Variants in MAF observed in about 807,000 individuals in gnomAD.
The protein encoded by MAF is MAF bZIP transcription factor, also known as transcription factor Maf.
In MAF, 10 loss-of-function variants were observed where a neutral mutation model predicts 22.0. The observed-to-expected ratio is 0.45, with a 90% confidence interval of 0.28 to 0.77. MAF has a LOEUF of 0.77. Among genes scored for constraint, MAF ranks in the 30% least tolerant of loss-of-function variants. The pLI, the probability that MAF is intolerant of heterozygous loss-of-function variation, is 0.12. For missense variants in MAF, 544 were observed against 548.4 expected (o/e 0.99, Z 0.08); for synonymous variants, 337 against 255.8 (o/e 1.32, Z -3.03).
chr16:79,313,291 G>A, the MAF span, among the ~76,000 whole-genome samples: 1 of 152,104 alleles, frequency 6.6e-6, no homozygotes, highest in East Asian at 1.9e-4. Context: ...ACAGCAGAAG[G>A]GGGAAGAAAA....
At chr16:79,526,924 A>G in the MAF span, among the ~76,000 whole-genome samples, 1 of 152,210 alleles carries the variant, frequency 6.6e-6, no homozygotes. Context: ...GGGGAATTTT[A>G]TTTTCAAATA....
At chr16:79,214,928 T>C in the MAF span, among the ~76,000 whole-genome samples, 4 of 151,620 alleles carry the variant, frequency 2.6e-5, no homozygotes, top group African/African-American at 9.7e-5. Context: ...CAGGCTGGTC[T>C]CGAACTCCTG....
the MAF span, among the ~76,000 whole-genome samples, chr16:79,576,570 G>A: frequency 2.6e-5 from 4 of 151,672 alleles, no homozygotes; most frequent in Non-Finnish European, 5.9e-5. Flanking sequence ...TTCAGAGGAG[G>A]GCAGCTATAA....
At chr16:79,263,291 A>C in the MAF span, among the ~76,000 whole-genome samples, 1 of 152,220 alleles carries the variant, frequency 6.6e-6, no homozygotes, top group Non-Finnish European at 1.5e-5. Flanking sequence ...AAACTGGGGA[A>C]ATTTTCTAAG....
At chr16:79,380,323 G>A in the MAF span, among the ~76,000 whole-genome samples, 2 of 152,192 alleles carry the variant, frequency 1.3e-5, no homozygotes, top group Non-Finnish European at 1.5e-5. Context: ...CTCAAGGGCA[G>A]TTGTGAATAT....
downstream of MAF, chr16:79,585,782 C>T (rs758466177): frequency 1.7e-4 from 96 of 581,704 alleles, no homozygotes; most frequent in Non-Finnish European, 2.6e-4. Context: ...AGCAGCATTC[C>T]TTGTTTGCTT....
At chr16:79,544,185 A>G in the MAF span, among the ~76,000 whole-genome samples, 1 of 152,236 alleles carries the variant, frequency 6.6e-6, no homozygotes, top group South Asian at 2.1e-4. Context: ...TAAGAGGAGC[A>G]ACTATTAAAT....
At chr16:79,326,994 G>T in the MAF span, among the ~76,000 whole-genome samples, 1 of 152,184 alleles carries the variant, frequency 6.6e-6, no homozygotes, top group Non-Finnish European at 1.5e-5. Flanking sequence ...AATTCATAAC[G>T]TCCTAGCAGC....
chr16:79,315,240 A>G, the MAF span, among the ~76,000 whole-genome samples: 1 of 152,184 alleles, frequency 6.6e-6, no homozygotes, highest in Non-Finnish European at 1.5e-5. Context: ...CAATAACACA[A>G]CAATAACCAT....
At chr16:79,471,143 C>T in the MAF span, among the ~76,000 whole-genome samples, 11 of 152,264 alleles carry the variant, frequency 7.2e-5, no homozygotes, top group South Asian at 4.1e-4. Flanking sequence ...ACCACTCCCA[C>T]GCCTGTGGAG....
the MAF span, among the ~76,000 whole-genome samples, chr16:79,464,773 G>T: frequency 2.0e-5 from 3 of 152,164 alleles, no homozygotes; most frequent in Admixed American, 6.5e-5. Context: ...AATTAGACAC[G>T]TCCCTGACCC....
chr16:79,589,661 C>T (rs1304706595), downstream of MAF, among the ~76,000 whole-genome samples: 1 of 152,190 alleles, frequency 6.6e-6, no homozygotes. Context: ...AGTCTTGCTC[C>T]CTCCCTCCAG....
chr16:79,542,561 G>C, the MAF span, among the ~76,000 whole-genome samples: 1 of 152,168 alleles, frequency 6.6e-6, no homozygotes. Flanking sequence ...AAGAAAGAGG[G>C]AACTGCTCTT....
chr16:79,279,497 G>T, the MAF span, among the ~76,000 whole-genome samples: 3 of 152,170 alleles, frequency 2.0e-5, no homozygotes, highest in African/African-American at 7.2e-5. Context: ...TGGGGAAGAG[G>T]CTGAAGCGGG....
chr16:79,570,315 C>T, the MAF span, among the ~76,000 whole-genome samples: 87 of 152,238 alleles, frequency 5.7e-4, no homozygotes, highest in African/African-American at 2.0e-3. Flanking sequence ...CATCCCTCCT[C>T]AGCTCTTTGC....
the MAF span, among the ~76,000 whole-genome samples, chr16:79,407,098 T>A: frequency 6.6e-6 from 1 of 152,058 alleles, no homozygotes; most frequent in Non-Finnish European, 1.5e-5. Context: ...CCAGGGAGGG[T>A]GTCGTCTGGC....
chr16:79,337,428 G>C, the MAF span, among the ~76,000 whole-genome samples: 1 of 152,096 alleles, frequency 6.6e-6, no homozygotes, highest in South Asian at 2.1e-4. Flanking sequence ...AAATTAGCCA[G>C]GTGTGGTGGC....
the MAF span, among the ~76,000 whole-genome samples, chr16:79,565,031 C>T: frequency 6.6e-6 from 1 of 152,096 alleles, no homozygotes; most frequent in African/African-American, 2.4e-5. Context: ...AGAGTCCGGG[C>T]CCTGACATCA....
At chr16:79,576,230 C>CT in the MAF span, among the ~76,000 whole-genome samples, 1 of 45,130 alleles carries the variant, frequency 2.2e-5, no homozygotes, top group Non-Finnish European at 4.1e-5. Flanking sequence ...TCCTGTGGTA[C>CT]TAAAAAAAAA....
Sources: gnomAD v4.1 joint callset for allele counts (sites outside exome capture counted in the v4.1 genomes callset) on GRCh38, gnomAD v4.1.1 for gene constraint, MANE v1.5 for transcripts, NCBI Gene and HGNC (gene_info 2026-07-23, HGNC 2026-07-21) for gene names.